Variants in GABRA3 observed in about 807,000 individuals in gnomAD.
GABRA3 encodes gamma-aminobutyric acid type A receptor subunit alpha3.
In GABRA3, 10 loss-of-function variants were observed where a neutral mutation model predicts 30.1. That is an observed-to-expected ratio of 0.33 (90% confidence interval 0.20 to 0.56). The LOEUF is 0.56. Among genes scored for constraint, GABRA3 ranks in the 20% least tolerant of loss-of-function variants. The pLI, the probability that GABRA3 is intolerant of heterozygous loss-of-function variation, is 0.89. For missense variants in GABRA3, 233 were observed against 392.0 expected (o/e 0.59, Z 3.42); for synonymous variants, 151 against 146.8 (o/e 1.03, Z -0.21).
chrX:152,192,416 TG>T (rs1336994066), intron 8 of GABRA3, among the ~76,000 whole-genome samples: 1 of 112,077 alleles, frequency 8.9e-6, no homozygotes, highest in African/African-American at 3.2e-5. Flanking sequence ...AAACCACATC[TG>T]TGATGAGTGG....
At chrX:152,294,623 CT>C (rs757071136) in intron 3 of GABRA3, among the ~76,000 whole-genome samples, 5 of 111,564 alleles carry the variant, frequency 4.5e-5, no homozygotes, top group African/African-American at 1.6e-4. Flanking sequence ...CTGAAGCCTA[CT>C]TCTGTCAACT....
chrX:152,448,266 C>G (rs1284643642), intron 1 of GABRA3, among the ~76,000 whole-genome samples: 1 of 112,311 alleles, frequency 8.9e-6, no homozygotes, highest in Non-Finnish European at 1.9e-5. Context: ...GCCATAGACT[C>G]TCTGAATCAC....
intron 1 of GABRA3, among the ~76,000 whole-genome samples, chrX:152,395,849 T>A (rs1047911403): frequency 3.6e-5 from 4 of 112,056 alleles, no homozygotes; most frequent in African/African-American, 1.3e-4. Context: ...CACAGATCAA[T>A]CTCAAACATC....
intron 1 of GABRA3, among the ~76,000 whole-genome samples, chrX:152,373,962 C>CT (rs1273944185): frequency 3.6e-5 from 4 of 111,269 alleles, no homozygotes; most frequent in African/African-American, 1.3e-4. Flanking sequence ...TGAACTCATC[C>CT]TTTTTTATGG....
At chrX:152,367,984 G>A (rs1310471182) in intron 1 of GABRA3, among the ~76,000 whole-genome samples, 1 of 111,740 alleles carries the variant, frequency 8.9e-6, no homozygotes, top group Non-Finnish European at 1.9e-5. Context: ...ACTCTAGCTT[G>A]TCATCTCTTG....
chrX:152,168,584 G>A lies in GABRA3; in HGVS notation c.1144-21C>T, dbSNP rs200594582. On this transcript the variant is annotated intron_variant, in intron 9 of 9. Coordinates refer to ENST00000370314, the MANE Select transcript of GABRA3 (RefSeq NM_000808.4). ...TTCTTCTAGAGGCCAGGAAAAAGAG[G>A]GGGGGAAAGGGAGAAAAAAGCAAAG... 119 of 1,115,292 alleles carry A rather than the reference G, an allele frequency of 1.1e-4. 1 individual carries two copies. The South Asian group carries it at 2.1e-3, about 20-fold the overall frequency. 91.9% of individuals were successfully genotyped at this position (1,115,292 alleles called of 1,213,427 possible). A position where few individuals can be genotyped will look rare whatever the true frequency, so the allele number is the denominator to read the frequency against.
intron 4 of GABRA3, among the ~76,000 whole-genome samples, chrX:152,265,810 C>T (rs886750299): frequency 7.2e-5 from 8 of 110,807 alleles, no homozygotes; most frequent in Non-Finnish European, 1.1e-4. Context: ...GACATTAAAA[C>T]TGATAAGGAA....
chrX:152,384,239 G>A (rs1365021686), intron 1 of GABRA3, among the ~76,000 whole-genome samples: 2 of 111,089 alleles, frequency 1.8e-5, no homozygotes, highest in Admixed American at 9.6e-5. Context: ...ACAAATAAAT[G>A]GAAAGATAGC....
intron 2 of GABRA3, among the ~76,000 whole-genome samples, chrX:152,347,035 G>A (rs5969894): frequency 0.029 from 3,287 of 111,738 alleles, 96 homozygotes; most frequent in African/African-American, 0.1. Flanking sequence ...AGAGATATCC[G>A]CACACCCATG....
At chrX:152,217,869 T>C (rs1159520294) in intron 6 of GABRA3, among the ~76,000 whole-genome samples, 1 of 110,672 alleles carries the variant, frequency 9.0e-6, no homozygotes, top group Non-Finnish European at 1.9e-5. Context: ...ATTTGCTTCG[T>C]CTGTCTGGTG....
intron 1 of GABRA3, among the ~76,000 whole-genome samples, chrX:152,428,481 C>T (rs1372572489): frequency 8.9e-5 from 10 of 112,102 alleles, no homozygotes; most frequent in African/African-American, 3.2e-4. Flanking sequence ...GGCAACCTGC[C>T]TTTATCTAAA....
chrX:152,261,048 C>G (rs1938719777), intron 4 of GABRA3, among the ~76,000 whole-genome samples: 1 of 111,519 alleles, frequency 9.0e-6, no homozygotes, highest in Non-Finnish European at 1.9e-5. Context: ...CTTGTTCACA[C>G]AGTGGCAGCA....
intron 3 of GABRA3, among the ~76,000 whole-genome samples, chrX:152,287,038 A>G (rs1426783782): frequency 9.0e-6 from 1 of 111,686 alleles, no homozygotes; most frequent in Non-Finnish European, 1.9e-5. Flanking sequence ...GCAAATGCCT[A>G]TATACCTACT....
At chrX:152,231,223 G>T (rs181917389) in intron 5 of GABRA3, among the ~76,000 whole-genome samples, 2,538 of 103,215 alleles carry the variant, frequency 0.025, 43 homozygotes, top group Middle Eastern at 0.076. Context: ...ATACATACAC[G>T]TATATATACA....
At chrX:152,339,384 A>G (rs998810867) in intron 3 of GABRA3, among the ~76,000 whole-genome samples, 3 of 109,611 alleles carry the variant, frequency 2.7e-5, no homozygotes, top group South Asian at 4.0e-4. Flanking sequence ...ACGCCTGGAT[A>G]ATTTTTGTAT....
intron 1 of GABRA3, among the ~76,000 whole-genome samples, chrX:152,411,864 C>A (rs1254095913): frequency 9.0e-6 from 1 of 111,466 alleles, no homozygotes; most frequent in Non-Finnish European, 1.9e-5. Flanking sequence ...AGAACTCTTA[C>A]AACTCAGTAA....
At chrX:152,219,322 C>A (rs1325718375) in intron 6 of GABRA3, among the ~76,000 whole-genome samples, 4 of 110,796 alleles carry the variant, frequency 3.6e-5, no homozygotes, top group Non-Finnish European at 7.6e-5. Context: ...CCAGGAGTAT[C>A]ATTTGCTTCC....
At chrX:152,345,484 G>T in intron 3 of GABRA3, 97 bp downstream of exon 3, 1 of 928,193 alleles carries the variant, frequency 1.1e-6, no homozygotes, top group Admixed American at 3.2e-5. Flanking sequence ...AATCTCATTG[G>T]CCAATAGACT....
intron 6 of GABRA3, among the ~76,000 whole-genome samples, chrX:152,213,749 G>C (rs747763260): frequency 9.0e-6 from 1 of 111,347 alleles, no homozygotes; most frequent in East Asian, 2.8e-4. Flanking sequence ...ATCACAAAGA[G>C]TTTTAGTGAA....
Sources: allele counts gnomAD v4.1 joint callset (sites outside exome capture counted in the v4.1 genomes callset), GRCh38; gene constraint gnomAD v4.1.1; transcripts MANE v1.5; gene names NCBI Gene and HGNC (gene_info 2026-07-23, HGNC 2026-07-21).